The following SLC4A4 variants were observed in gnomAD, a reference collection of about 807,000 sequenced individuals.
SLC4A4 encodes solute carrier family 4 member 4.
Under a neutral mutation model 111.5 loss-of-function variants are expected in SLC4A4, and 27 were observed. The observed-to-expected ratio is 0.24, with a 90% CI of 0.18 to 0.33. The LOEUF (loss-of-function observed/expected upper bound fraction) is 0.33. Among genes scored for constraint, SLC4A4 ranks in the 10% least tolerant of loss-of-function variants. The pLI is 1.00. For synonymous variants in SLC4A4, 443 were observed against 463.4 expected (o/e 0.96, Z 0.57); for missense variants, 909 against 1,315.5 (o/e 0.69, Z 4.78).
intron 3 of SLC4A4, among the ~76,000 whole-genome samples, chr4:71,294,872 T>C (rs1459268180): frequency 6.6e-6 from 1 of 152,224 alleles, no homozygotes; most frequent in Non-Finnish European, 1.5e-5. Flanking sequence ...ATATTTAATT[T>C]ATAACATAAG....
intron 16 of SLC4A4, among the ~76,000 whole-genome samples, chr4:71,509,689 A>G (rs967563639): frequency 2.0e-5 from 3 of 152,164 alleles, no homozygotes; most frequent in African/African-American, 7.2e-5. Flanking sequence ...TTTGGGGACC[A>G]GGGGTGCCAC....
intron 2 of SLC4A4, among the ~76,000 whole-genome samples, chr4:71,175,207 G>C (rs1306171250): frequency 1.3e-5 from 2 of 152,202 alleles, no homozygotes; most frequent in African/African-American, 4.8e-5. Context: ...TTTAAAAAGT[G>C]GGGGTGGAGC....
At chr4:71,532,776 G>A (rs1734055671) in intron 17 of SLC4A4, among the ~76,000 whole-genome samples, 1 of 152,092 alleles carries the variant, frequency 6.6e-6, no homozygotes, top group East Asian at 1.9e-4. Context: ...TAAGTAAAAT[G>A]CCTAAGATTA....
At chr4:71,373,361 G>T (rs1169637315) in intron 6 of SLC4A4, among the ~76,000 whole-genome samples, 1 of 152,186 alleles carries the variant, frequency 6.6e-6, no homozygotes, top group South Asian at 2.1e-4. Flanking sequence ...GAATGGTGGG[G>T]TATAAACAGA....
intron 2 of SLC4A4, among the ~76,000 whole-genome samples, chr4:71,155,458 T>A (rs1192841581): frequency 1.3e-5 from 2 of 151,912 alleles, no homozygotes; most frequent in African/African-American, 4.8e-5. Context: ...GTTATGAAAA[T>A]TTTATTCTTT....
chr4:71,361,312 G>A lies in SLC4A4; in HGVS notation c.730+4125G>A, dbSNP rs374940157. Among the ~76,000 whole-genome samples the A allele has an allele frequency of 1.5e-3, 230 of 152,104 alleles. 1 individual carries two copies. Among genetic ancestry groups the A allele is most frequent in the African/African-American group, 5.4e-3 (225 of 41,488 alleles). The stretch of plus-strand genomic sequence containing the variant: ...TCTTTATTCCTAAAGACTAACTCTC[G>A]TCTTTTAGCATCCTGGTATGGCTTG... On this transcript the variant is annotated intron_variant, in intron 6 of 25. Coordinates refer to ENST00000264485, the MANE Select transcript of SLC4A4 (RefSeq NM_001098484.3).
At chr4:71,410,645 A>G (rs900835975) in intron 7 of SLC4A4, among the ~76,000 whole-genome samples, 5 of 152,156 alleles carry the variant, frequency 3.3e-5, no homozygotes, top group Non-Finnish European at 7.3e-5. Context: ...TTAATGCTGA[A>G]ATGAGTTAAG....
chr4:71,294,117 C>T (rs561952398), intron 3 of SLC4A4, among the ~76,000 whole-genome samples: 60 of 152,240 alleles, frequency 3.9e-4, no homozygotes, highest in African/African-American at 1.3e-3. Flanking sequence ...ATGTTAGTAA[C>T]GACCTTCAAT....
intron 11 of SLC4A4, among the ~76,000 whole-genome samples, chr4:71,453,121 G>A (rs1725917583): frequency 6.6e-6 from 1 of 152,128 alleles, no homozygotes; most frequent in Non-Finnish European, 1.5e-5. Flanking sequence ...GTGAGTGAAT[G>A]GATGAATGAA....
At chr4:71,264,616 A>C (rs950247591) in intron 3 of SLC4A4, among the ~76,000 whole-genome samples, 22 of 152,108 alleles carry the variant, frequency 1.4e-4, no homozygotes, top group African/African-American at 3.4e-4. Context: ...CTATAACTAG[A>C]AATTTACTGC....
At chr4:71,259,254 C>T (rs1403313942) in intron 3 of SLC4A4, among the ~76,000 whole-genome samples, 2 of 152,118 alleles carry the variant, frequency 1.3e-5, no homozygotes, top group African/African-American at 4.8e-5. Context: ...CTAACGCTTT[C>T]TATTTTCTTC....
intron 3 of SLC4A4, among the ~76,000 whole-genome samples, chr4:71,286,877 A>C (rs2149097693): frequency 1.3e-5 from 2 of 152,066 alleles, no homozygotes; most frequent in Middle Eastern, 6.8e-3. Context: ...TCTTTATAAA[A>C]CACTGTGAGG....
intron 2 of SLC4A4, among the ~76,000 whole-genome samples, chr4:71,173,319 G>A (rs1399995118): frequency 6.6e-6 from 1 of 152,214 alleles, no homozygotes; most frequent in Non-Finnish European, 1.5e-5. Flanking sequence ...AATGAGAGAA[G>A]TAGATGTAAT....
At chr4:71,225,292 C>T (rs1042070838) in intron 1 of SLC4A4, among the ~76,000 whole-genome samples, 9 of 151,474 alleles carry the variant, frequency 5.9e-5, no homozygotes, top group South Asian at 2.1e-4. Context: ...GTGGAGGTTG[C>T]GGTGAGCTGA....
intron 14 of SLC4A4, among the ~76,000 whole-genome samples, chr4:71,482,393 A>C (rs1301333801): frequency 6.6e-6 from 1 of 151,546 alleles, no homozygotes; most frequent in African/African-American, 2.4e-5. Flanking sequence ...AGGGGAAAAA[A>C]ATTGAAATTC....
chr4:71,336,636 C>A (rs1728455073), intron 3 of SLC4A4, among the ~76,000 whole-genome samples: 1 of 152,094 alleles, frequency 6.6e-6, no homozygotes, highest in African/African-American at 2.4e-5. Flanking sequence ...GATCAGCTTA[C>A]ATTTTATCCT....
intron 2 of SLC4A4, among the ~76,000 whole-genome samples, chr4:71,179,461 G>A (rs1745214895): frequency 1.3e-5 from 2 of 152,260 alleles, no homozygotes; most frequent in African/African-American, 2.4e-5. Context: ...AAACCCCATC[G>A]TCTCAGCCCA....
At chr4:71,127,021 T>C (rs956748783) in intron 2 of SLC4A4, among the ~76,000 whole-genome samples, 1 of 152,180 alleles carries the variant, frequency 6.6e-6, no homozygotes, top group African/African-American at 2.4e-5. Context: ...AGAAACCACA[T>C]AAATATATCC....
At chr4:71,129,269 C>A (rs2148960526) in intron 2 of SLC4A4, among the ~76,000 whole-genome samples, 1 of 151,650 alleles carries the variant, frequency 6.6e-6, no homozygotes, top group South Asian at 2.1e-4. Flanking sequence ...AGCTGACAAG[C>A]AAAAAACAAG....
Sources: allele counts gnomAD v4.1 joint callset (sites outside exome capture counted in the v4.1 genomes callset), GRCh38; gene constraint gnomAD v4.1.1; transcripts MANE v1.5; gene names NCBI Gene and HGNC (gene_info 2026-07-23, HGNC 2026-07-21).